Variants in AGPAT4 observed in about 807,000 individuals in gnomAD.
AGPAT4 encodes 1-acyl-sn-glycerol-3-phosphate acyltransferase delta.
AGPAT4 carries 15 observed loss-of-function variants against 48.0 expected under a neutral mutation model. The ratio of observed to expected loss-of-function variants is 0.31; its 90% CI spans 0.21 to 0.48. The LOEUF (loss-of-function observed/expected upper bound fraction) is 0.48. AGPAT4 is among the 20% of genes least tolerant of loss of function. The pLI, the probability that AGPAT4 is intolerant of heterozygous loss-of-function variation, is 0.99. For synonymous variants in AGPAT4, 178 were observed against 198.7 expected, an observed-to-expected ratio of 0.90 and a Z score of 0.88; for missense variants, 314 against 482.5, an observed-to-expected ratio of 0.65 and a Z score of 3.27.
rs1301317392 is a variant in AGPAT4 at position 161,164,342 on chromosome 6, T to A, written c.348+1906A>T. The stretch of plus-strand genomic sequence containing the variant: ...TCTGGGTGCTTCTCCAGCATCTCTG[T>A]GCATGACCCTGCTCTGCCAGCTCCT... On this transcript the variant is annotated intron_variant, in intron 3 of 8. Transcript: ENST00000320285. This position sits in a 1 kb window ranked among gnomAD's most constrained non-coding sequence, Gnocchi z 7.4. 6.6e-6 allele frequency among the ~76,000 whole-genome samples: 1 copy of A among 152,190 alleles called. No individual in the cohort carries two copies. Among genetic ancestry groups the A allele is most frequent in the Admixed American group, 6.5e-5 (1 of 15,278 alleles).
chr6:161,143,493 C>A lies in AGPAT4; in HGVS notation c.843+3031G>T, dbSNP rs1350911363. Among the ~76,000 whole-genome samples, 3 of 152,204 alleles carry A rather than the reference C, an allele frequency of 2.0e-5. No homozygotes were observed. The highest frequency in any genetic ancestry group is 1.3e-4 in the Admixed American group (2 of 15,280). On this transcript the variant is annotated intron_variant, in intron 7 of 8. Coordinates refer to ENST00000320285, the MANE Select transcript of AGPAT4 (RefSeq NM_020133.3). The surrounding 1 kb of genome is among the most constrained non-coding windows in gnomAD (Gnocchi z 4.7). ...TAAGTTAGAAATGAAAAGTTAGAAT[C>A]TGTTCACCCCATACAATTAAGAAAC...
In AGPAT4 at chr6:161,143,529, A is replaced by T. The variant is rs1779323138; in HGVS notation, c.843+2995T>A. 6.6e-6 allele frequency among the ~76,000 whole-genome samples: 1 copy of T among 152,238 alleles called. No individual in the cohort carries two copies. Among genetic ancestry groups the T allele is most frequent in the South Asian group, 2.1e-4 (1 of 4,830 alleles). ...ATACAATTAAGAAACCGTGATGGCTATCGTGACCTCCCTGGAAAAAAGGGG... is the reference window on the plus strand; with the variant it reads ...ATACAATTAAGAAACCGTGATGGCTTTCGTGACCTCCCTGGAAAAAAGGGG... On this transcript the variant is annotated intron_variant, in intron 7 of 8. Coordinates refer to ENST00000320285, the MANE Select transcript of AGPAT4 (RefSeq NM_020133.3). This position sits in a 1 kb window ranked among gnomAD's most constrained non-coding sequence, Gnocchi z 4.7.
Position 161,136,636 on chromosome 6 carries a change from T to C in AGPAT4, c.1043-2A>G. Reference sequence around the variant, plus strand: ...TCATCCATCGAACTCCCACGGAGGCTGCAGAGACAAGGAGAGCAGAGTTAG... The same window carrying C: ...TCATCCATCGAACTCCCACGGAGGCCGCAGAGACAAGGAGAGCAGAGTTAG... On this transcript the variant is annotated splice_acceptor_variant, in intron 8 of 8. Transcript: ENST00000320285. LOFTEE classifies it high-confidence loss of function. The C allele has an allele frequency of 6.2e-7, 1 of 1,613,822 alleles. No homozygotes were observed. The highest frequency in any genetic ancestry group is 8.5e-7 in the Non-Finnish European group (1 of 1,179,744).
At chr6:161,181,292 T>C (rs771996728) in intron 2 of AGPAT4, among the ~76,000 whole-genome samples, 3 of 152,160 alleles carry the variant, frequency 2.0e-5, no homozygotes, top group Non-Finnish European at 4.4e-5. Flanking sequence ...GGCTGCCTGC[T>C]GCTCCCATCG....
rs1779525622 is a variant in AGPAT4, at chr6:161,149,379, A to G, written c.665-90T>C. ...ACACACATTGGAAGACAATAATCAA[A>G]TGGCTAACTGCTTATCTAGAAATGG... is the stretch of plus-strand genomic sequence containing the variant. On this transcript the variant is annotated intron_variant, in intron 5 of 8. Transcript: ENST00000320285. This position sits in a 1 kb window ranked among gnomAD's most constrained non-coding sequence, Gnocchi z 6.5. 1.8e-6 allele frequency: 2 copies of G among 1,110,926 alleles called. No homozygotes were observed. The highest frequency in any genetic ancestry group is 2.5e-6 in the Non-Finnish European group (2 of 801,608). The allele number at this position is 1,110,926 out of a possible 1,614,324, so 68.8% of individuals were successfully genotyped here. A position where few individuals can be genotyped will look rare whatever the true frequency, so the allele number is the denominator to read the frequency against.
Position 161,255,236 on chromosome 6 carries a change from AG to A in AGPAT4, c.-90+18701del, listed in dbSNP as rs1324185650. 6.6e-6 allele frequency among the ~76,000 whole-genome samples: 1 copy of A among 152,238 alleles called. No homozygotes were observed. Among genetic ancestry groups the A allele is most frequent in the African/African-American group, 2.4e-5 (1 of 41,470 alleles). On this transcript the variant is annotated intron_variant, in intron 1 of 8. Coordinates refer to ENST00000320285, the MANE Select transcript of AGPAT4 (RefSeq NM_020133.3). The surrounding 1 kb of genome is among the most constrained non-coding windows in gnomAD (Gnocchi z 4.7). Reference sequence around the variant, plus strand: ...AAGAGCAAAGGAACTTGGATTTGAAAGTCCGAGACCCCTCTGCAAAATACCA... The same window carrying A: ...AAGAGCAAAGGAACTTGGATTTGAAATCCGAGACCCCTCTGCAAAATACCA...
At position 161,264,597 on chromosome 6, in the gene AGPAT4, A is replaced by G. The variant is rs971993122; in HGVS notation, c.-90+9341T>C. ...TGCAAGTCTTATCCACTGCGTGGGAACCCCTCGCTGAGGCTTCCGTCTTGC... is the reference window on the plus strand; with the variant it reads ...TGCAAGTCTTATCCACTGCGTGGGAGCCCCTCGCTGAGGCTTCCGTCTTGC... On this transcript the variant is annotated intron_variant, in intron 1 of 8. Coordinates refer to ENST00000320285, the MANE Select transcript of AGPAT4 (RefSeq NM_020133.3). The surrounding 1 kb of genome is among the most constrained non-coding windows in gnomAD (Gnocchi z 6.8). Among the ~76,000 whole-genome samples, 1 of 151,928 alleles carries G rather than the reference A, an allele frequency of 6.6e-6. No homozygotes were observed. Among genetic ancestry groups the G allele is most frequent in the Non-Finnish European group, 1.5e-5 (1 of 67,968 alleles).
In AGPAT4 at chr6:161,155,110, G is replaced by T. The variant is rs1261384295; in HGVS notation, c.349-800C>A. Among the ~76,000 whole-genome samples the T allele has an allele frequency of 6.6e-6, 1 of 152,162 alleles. No individual in the cohort carries two copies. The highest frequency in any genetic ancestry group is 1.5e-5 in the Non-Finnish European group (1 of 68,022). On this transcript the variant is annotated intron_variant, in intron 3 of 8. Transcript: ENST00000320285. This position sits in a 1 kb window ranked among gnomAD's most constrained non-coding sequence, Gnocchi z 5.8. ...GAGGCTGACGCAGGTGCACGAGCTA[G>T]GCCCCACAGGTCCCCTCTGGGGAGT...
At chr6:161,265,793 G>A (rs902434739) in intron 1 of AGPAT4, among the ~76,000 whole-genome samples, 2 of 152,128 alleles carry the variant, frequency 1.3e-5, no homozygotes, top group Non-Finnish European at 1.5e-5. Flanking sequence ...TCACTGCACC[G>A]GGCTGCCTTG....
In AGPAT4 at chr6:161,161,885, C is replaced by CCGAGA; in HGVS notation, c.348+4362_348+4363insTCTCG. ...TTATGGGCGCCCTCACGCACAGGCA[C>CCGAGA]TCTGCCTAGGAGGGATAATGCCACT... On this transcript the variant is annotated intron_variant, in intron 3 of 8. Coordinates refer to ENST00000320285, the MANE Select transcript of AGPAT4 (RefSeq NM_020133.3). The surrounding 1 kb of genome is among the most constrained non-coding windows in gnomAD (Gnocchi z 4.6). 1 of 250,910 alleles carries CCGAGA rather than the reference C, an allele frequency of 4.0e-6. No individual in the cohort carries two copies. Among genetic ancestry groups the CCGAGA allele is most frequent in the Non-Finnish European group, 7.9e-6 (1 of 125,940 alleles). 15.5% of individuals were successfully genotyped at this position (250,910 alleles called of 1,614,324 possible).
At chr6:161,241,403 A>G (rs1782485760) in intron 1 of AGPAT4, among the ~76,000 whole-genome samples, 1 of 152,188 alleles carries the variant, frequency 6.6e-6, no homozygotes, top group Admixed American at 6.5e-5. Context: ...AACTCTGAAG[A>G]AACCATAAAT....
At position 161,146,884 on chromosome 6, in the gene AGPAT4, C is replaced by T. The variant is rs1779448408; in HGVS notation, c.768-285G>A. Among the ~76,000 whole-genome samples the T allele has an allele frequency of 6.6e-6, 1 of 152,182 alleles. No individual in the cohort carries two copies. Among genetic ancestry groups the T allele is most frequent in the Non-Finnish European group, 1.5e-5 (1 of 68,036 alleles). On this transcript the variant is annotated intron_variant, in intron 6 of 8. Transcript: ENST00000320285. This position sits in a 1 kb window ranked among gnomAD's most constrained non-coding sequence, Gnocchi z 7.1. ...CACCTGCCTCATTCCGTCTTCCCTC[C>T]CACCTCACAAAAAGGCCCCCAAAAC... is the stretch of plus-strand genomic sequence containing the variant.
At chr6:161,207,731 A>G (rs1420956891) in intron 2 of AGPAT4, among the ~76,000 whole-genome samples, 1 of 152,170 alleles carries the variant, frequency 6.6e-6, no homozygotes, top group Admixed American at 6.5e-5. Flanking sequence ...TAGAGGGGAA[A>G]TGGGGATGGA....
In AGPAT4 at chr6:161,159,665, C is replaced by A. The variant is rs929352322; in HGVS notation, c.349-5355G>T. Among the ~76,000 whole-genome samples, 2 of 152,106 alleles carry A rather than the reference C, an allele frequency of 1.3e-5. No individual in the cohort carries two copies. The highest frequency in any genetic ancestry group is 4.8e-5 in the African/African-American group (2 of 41,422). ...AGACTCCATTCTCTTTTTTTTGAGA[C>A]GAAGTTTCACTCTTGTTGCCCAGGC... On this transcript the variant is annotated intron_variant, in intron 3 of 8. Transcript: ENST00000320285. The surrounding 1 kb of genome is among the most constrained non-coding windows in gnomAD (Gnocchi z 4.1).
rs779342801 is a variant in AGPAT4, at chr6:161,136,260, A to G, written c.*280T>C. On this transcript the variant is annotated 3_prime_UTR_variant, in exon 9 of 9. Coordinates refer to ENST00000320285, the MANE Select transcript of AGPAT4 (RefSeq NM_020133.3). The stretch of plus-strand genomic sequence containing the variant: ...CCCTGCAGCCTAAAATACCCTTTCT[A>G]TGATCACAGAACAAAGTTCACACTC... 5.2e-5 allele frequency: 22 copies of G among 425,970 alleles called. No homozygotes were observed. The highest frequency in any genetic ancestry group is 1.0e-4 in the African/African-American group (5 of 49,826). The allele number at this position is 425,970 out of a possible 1,614,324, so 26.4% of individuals were successfully genotyped here. A position where few individuals can be genotyped will look rare whatever the true frequency, so the allele number is the denominator to read the frequency against.
At chr6:161,194,529 T>C (rs1486171049) in intron 2 of AGPAT4, among the ~76,000 whole-genome samples, 2 of 151,804 alleles carry the variant, frequency 1.3e-5, no homozygotes, top group African/African-American at 4.8e-5. Context: ...TGTGTGTCTG[T>C]GTGTCTATGT....
At position 161,141,305 on chromosome 6, in the gene AGPAT4, G is replaced by A. The variant is rs1562309768; in HGVS notation, c.844-1685C>T. 6.6e-6 allele frequency among the ~76,000 whole-genome samples: 1 copy of A among 152,092 alleles called. No homozygotes were observed. On this transcript the variant is annotated intron_variant, in intron 7 of 8. Transcript: ENST00000320285. This position sits in a 1 kb window ranked among gnomAD's most constrained non-coding sequence, Gnocchi z 6.7. Reference sequence around the variant, plus strand: ...CCAAGAGAAGCCATGGGGGCTCTCAGGGGAAGTCACATCATCAAGCAACTG... The same window carrying A: ...CCAAGAGAAGCCATGGGGGCTCTCAAGGGAAGTCACATCATCAAGCAACTG...
Position 161,219,920 on chromosome 6 carries a change from AGGCAGGCAGGCAGGCAGGCAGGCAGG to A in AGPAT4, c.178+12090_178+12115del, listed in dbSNP as rs1781782186. Among the ~76,000 whole-genome samples the A allele has an allele frequency of 8.2e-6, 1 of 122,464 alleles. No individual in the cohort carries two copies. Among genetic ancestry groups the A allele is most frequent in the Admixed American group, 7.9e-5 (1 of 12,690 alleles). 80.3% of individuals were successfully genotyped at this position (122,464 alleles called of 152,430 possible). On this transcript the variant is annotated intron_variant, in intron 2 of 8. Coordinates refer to ENST00000320285, the MANE Select transcript of AGPAT4 (RefSeq NM_020133.3). This position sits in a 1 kb window ranked among gnomAD's most constrained non-coding sequence, Gnocchi z 4.9. Reference sequence around the variant, plus strand: ...GCAGGCAGGCAGGCAGGCAGGCGGCAGGCAGGCAGGCAGGCAGGCAGGCAGGCAGACAGACAGACAGACAGACAGGC... The same window carrying A: ...GCAGGCAGGCAGGCAGGCAGGCGGCACAGACAGACAGACAGACAGACAGGC...
rs1298427021 is a variant in AGPAT4 at position 161,138,635 on chromosome 6, CAG to C, written c.1042+785_1042+786del. ...GAGCATACTGCATCTTTGTGTTTGA[CAG>C]AAAATAACTGAGTCCTGTCCATTTG... On this transcript the variant is annotated intron_variant, in intron 8 of 8. Coordinates refer to ENST00000320285, the MANE Select transcript of AGPAT4 (RefSeq NM_020133.3). This position sits in a 1 kb window ranked among gnomAD's most constrained non-coding sequence, Gnocchi z 4.8. Among the ~76,000 whole-genome samples the C allele has an allele frequency of 4.6e-5, 7 of 152,136 alleles. No individual in the cohort carries two copies. Among genetic ancestry groups the C allele is most frequent in the African/African-American group, 1.4e-4 (6 of 41,422 alleles).
Sources: allele counts gnomAD v4.1 joint callset (sites outside exome capture counted in the v4.1 genomes callset), GRCh38; gene constraint gnomAD v4.1.1; non-coding constraint Gnocchi (gnomAD v3.1); transcripts MANE v1.5; gene names NCBI Gene and HGNC (gene_info 2026-07-23, HGNC 2026-07-21).